The following CLIC1 variants were observed in gnomAD, a reference collection of about 807,000 sequenced individuals.
The protein encoded by CLIC1 is chloride intracellular channel protein 1.
Under a neutral mutation model 26.4 loss-of-function variants are expected in CLIC1, and 16 were observed. That is an observed-to-expected ratio of 0.61 (90% CI 0.41 to 0.92). CLIC1 has a LOEUF of 0.92. Among genes scored for constraint, CLIC1 ranks in the 40% least tolerant of loss-of-function variants. CLIC1 has a pLI of 0.00. For missense variants in CLIC1, 225 were observed against 289.7 expected, an observed-to-expected ratio of 0.78 and a Z score of 1.62; for synonymous variants, 98 against 120.8, an observed-to-expected ratio of 0.81 and a Z score of 1.24.
rs1460716291 is a variant in CLIC1 at position 31,734,038 on chromosome 6, T to G, written c.150-77A>C. 1 of 1,595,996 alleles carries G rather than the reference T, an allele frequency of 6.3e-7. No homozygotes were observed. Among genetic ancestry groups the G allele is most frequent in the Non-Finnish European group, 8.6e-7 (1 of 1,168,388 alleles). On this transcript the variant is annotated intron_variant, in intron 2 of 5. Coordinates refer to ENST00000375784, the Ensembl canonical transcript of CLIC1. This position sits in a 1 kb window ranked among gnomAD's most constrained non-coding sequence, Gnocchi z 5.3. ...GAAAGGGGGAATGGAGGACGTGGGA[T>G]AAGAAAGGGACTCCAGGGGGAGGGC...
chr6:31,734,173 T>C lies in CLIC1; in HGVS notation c.130A>G (p.Thr44Ala), dbSNP rs780642956. ...GCCTACCTTTTGGTGTCAACGGTGGTAACATTGAAGGTGACTCCCTTGAGC... is the reference window on the plus strand; with the variant it reads ...GCCTACCTTTTGGTGTCAACGGTGGCAACATTGAAGGTGACTCCCTTGAGC... The change falls in exon 2 of 6, where the codon ACC (threonine) becomes GCC (alanine). Residue 44 changes from threonine to alanine, a missense_variant. Physicochemically the swap from Thr to Ala is moderately conservative, Grantham distance 58. Coordinates refer to ENST00000375784, the Ensembl canonical transcript of CLIC1. This position sits in a 1 kb window ranked among gnomAD's most constrained non-coding sequence, Gnocchi z 5.3. 6.2e-7 allele frequency: 1 copy of C among 1,613,542 alleles called. No individual in the cohort carries two copies. The highest frequency in any genetic ancestry group is 8.5e-7 in the Non-Finnish European group (1 of 1,179,468).
At chr6:31,731,840 A>G (rs1277216454) in intron 5 of CLIC1, among the ~76,000 whole-genome samples, 1 of 152,220 alleles carries the variant, frequency 6.6e-6, no homozygotes, top group Non-Finnish European at 1.5e-5. Context: ...ATCTTCCACA[A>G]GAGGAAGTGA....
Position 31,730,811 on chromosome 6 carries a change from T to G in CLIC1, c.*31A>C, listed in dbSNP as rs778209771. The G allele has an allele frequency of 6.2e-7, 1 of 1,610,722 alleles. No homozygotes were observed. The highest frequency in any genetic ancestry group is 8.5e-7 in the Non-Finnish European group (1 of 1,178,574). On this transcript the variant is annotated 3_prime_UTR_variant, in exon 6 of 6. Coordinates refer to ENST00000375784, the Ensembl canonical transcript of CLIC1. This position sits in a 1 kb window ranked among gnomAD's most constrained non-coding sequence, Gnocchi z 5.1. ...ACCACCAGGGCCTTTGTGGAGAAAA[T>G]GGAGGGGGTTGAGGGAGTCCCAGGA...
intron 1 of CLIC1, among the ~76,000 whole-genome samples, chr6:31,735,848 C>CACACCT (rs1411825167): frequency 6.6e-6 from 1 of 151,012 alleles, no homozygotes; most frequent in Non-Finnish European, 1.5e-5. Flanking sequence ...CACACACACA[C>CACACCT]ACCTCTCCTA....
chr6:31,734,959 T>C lies in CLIC1; in HGVS notation c.40-696A>G, dbSNP rs932117534. Among the ~76,000 whole-genome samples the C allele has an allele frequency of 2.6e-5, 4 of 151,932 alleles. No individual in the cohort carries two copies. The highest frequency in any genetic ancestry group is 5.9e-5 in the Non-Finnish European group (4 of 67,980). On this transcript the variant is annotated intron_variant, in intron 1 of 5. Transcript: ENST00000375784. This position sits in a 1 kb window ranked among gnomAD's most constrained non-coding sequence, Gnocchi z 5.3. Reference sequence around the variant, plus strand: ...TGCCAGGGTCTCCCAGCACAAGTCCTCTGACTGCAATAACCATCCTCTCAC... The same window carrying C: ...TGCCAGGGTCTCCCAGCACAAGTCCCCTGACTGCAATAACCATCCTCTCAC...
chr6:31,736,259 T>C lies in CLIC1; in HGVS notation c.39+3A>G. On this transcript the variant is annotated splice_donor_region_variant and intron_variant, in intron 1 of 5. Coordinates refer to ENST00000375784, the Ensembl canonical transcript of CLIC1. This position sits in a 1 kb window ranked among gnomAD's most constrained non-coding sequence, Gnocchi z 5.0. Reference sequence around the variant, plus strand: ...GGGTGGCTGAGGAGAGAAGTGTTCTTACCTTCACGAACAATTCGACCTGCG... The same window carrying C: ...GGGTGGCTGAGGAGAGAAGTGTTCTCACCTTCACGAACAATTCGACCTGCG... The C allele has an allele frequency of 1.2e-6, 2 of 1,612,856 alleles. No homozygotes were observed. The highest frequency in any genetic ancestry group is 1.7e-6 in the Non-Finnish European group (2 of 1,179,940).
rs1164062124 is a variant in CLIC1, at chr6:31,732,890, G to A, written c.383-492C>T. Among the ~76,000 whole-genome samples, 1 of 151,924 alleles carries A rather than the reference G, an allele frequency of 6.6e-6. No individual in the cohort carries two copies. Among genetic ancestry groups the A allele is most frequent in the Non-Finnish European group, 1.5e-5 (1 of 67,960 alleles). On this transcript the variant is annotated intron_variant, in intron 4 of 5. Coordinates refer to ENST00000375784, the Ensembl canonical transcript of CLIC1. This position sits in a 1 kb window ranked among gnomAD's most constrained non-coding sequence, Gnocchi z 5.0. ...TAATCCCAGCACTTTGGGAGGCCGA[G>A]GCAGGTGGATCACCTGAGGTCGGGA...
chr6:31,731,170 C>T (rs1384366618), intron 5 of CLIC1, among the ~76,000 whole-genome samples, 167 bp from the exon 6 acceptor site: 1 of 152,184 alleles, frequency 6.6e-6, no homozygotes, highest in Non-Finnish European at 1.5e-5. Context: ...TAATAACCAG[C>T]CATTTTTCCT....
chr6:31,736,577 C>G, upstream of CLIC1: 1 of 1,333,206 alleles, frequency 7.5e-7, no homozygotes, highest in African/African-American at 1.5e-5. This position sits in a 1 kb window ranked among gnomAD's most constrained non-coding sequence, Gnocchi z 5.0. Context: ...GGGGAGGGGA[C>G]TGGAGGGGGG....
chr6:31,735,880 C>A (rs1808300812), intron 1 of CLIC1, among the ~76,000 whole-genome samples: 1 of 149,870 alleles, frequency 6.7e-6, no homozygotes. Flanking sequence ...ACCCTCAGAT[C>A]TTGTAGGGAC....
Position 31,734,930 on chromosome 6 carries a change from C to T in CLIC1, c.40-667G>A, listed in dbSNP as rs990082399. ...CTGGGCAGCTAAGGCTACCCCTAAC[C>T]TGCTGCCAGGGTCTCCCAGCACAAG... On this transcript the variant is annotated intron_variant, in intron 1 of 5. Transcript: ENST00000375784. The surrounding 1 kb of genome is among the most constrained non-coding windows in gnomAD (Gnocchi z 5.3). Among the ~76,000 whole-genome samples, 1 of 152,012 alleles carries T rather than the reference C, an allele frequency of 6.6e-6. No individual in the cohort carries two copies. Among genetic ancestry groups the T allele is most frequent in the African/African-American group, 2.4e-5 (1 of 41,372 alleles).
chr6:31,736,956 G>C (rs768845111), upstream of CLIC1: 169 of 985,586 alleles, frequency 1.7e-4, no homozygotes, highest in Non-Finnish European at 2.0e-4. This position sits in a 1 kb window ranked among gnomAD's most constrained non-coding sequence, Gnocchi z 5.0. Flanking sequence ...ACTGCAGATA[G>C]GAACCGTTAG....
At position 31,733,500 on chromosome 6, in the gene CLIC1, T is replaced by C. The variant is rs992318618; in HGVS notation, c.382+66A>G. 39 of 1,153,464 alleles carry C rather than the reference T, an allele frequency of 3.4e-5. No homozygotes were observed. The East Asian group carries it at 7.3e-4, about 22-fold the overall frequency. The allele number at this position is 1,153,464 out of a possible 1,614,324, so 71.5% of individuals were successfully genotyped here. ...TATCTGAACGTCCAGGTGCCCCTAA[T>C]GTCTCCTACCCGCTGGGTCCTCTCT... On this transcript the variant is annotated intron_variant, in intron 4 of 5. Transcript: ENST00000375784. The surrounding 1 kb of genome is among the most constrained non-coding windows in gnomAD (Gnocchi z 5.4).
intron 1 of CLIC1, among the ~76,000 whole-genome samples, chr6:31,735,053 TGA>T (rs1322450682): frequency 6.6e-6 from 1 of 151,312 alleles, no homozygotes; most frequent in Non-Finnish European, 1.5e-5. Context: ...GAGGCGAATG[TGA>T]GAGTGAGGTG....
chr6:31,732,110 C>T lies in CLIC1; in HGVS notation c.564+107G>A. On this transcript the variant is annotated intron_variant, in intron 5 of 5. Coordinates refer to ENST00000375784, the Ensembl canonical transcript of CLIC1. The surrounding 1 kb of genome is among the most constrained non-coding windows in gnomAD (Gnocchi z 5.0). Reference sequence around the variant, plus strand: ...ATTGGTAGCAATTTATGAAAACCACCCTAAGAAAGAAATCGTCTTTAGAGT... The same window carrying T: ...ATTGGTAGCAATTTATGAAAACCACTCTAAGAAAGAAATCGTCTTTAGAGT... The T allele has an allele frequency of 1.0e-6, 1 of 970,906 alleles. No individual in the cohort carries two copies. Among genetic ancestry groups the T allele is most frequent in the Admixed American group, 3.1e-5 (1 of 31,764 alleles). 60.1% of individuals were successfully genotyped at this position (970,906 alleles called of 1,614,324 possible).
At position 31,733,524 on chromosome 6, in the gene CLIC1, C is replaced by G; in HGVS notation, c.382+42G>C. On this transcript the variant is annotated intron_variant, in intron 4 of 5. Coordinates refer to ENST00000375784, the Ensembl canonical transcript of CLIC1. This position sits in a 1 kb window ranked among gnomAD's most constrained non-coding sequence, Gnocchi z 5.4. ...ATGTCTCCTACCCGCTGGGTCCTCT[C>G]TATTCCTCCCAGGACCCAGGCCTCT... 6.8e-7 allele frequency: 1 copy of G among 1,471,278 alleles called. No individual in the cohort carries two copies. The highest frequency in any genetic ancestry group is 9.5e-7 in the Non-Finnish European group (1 of 1,052,624). 91.1% of individuals were successfully genotyped at this position (1,471,278 alleles called of 1,614,324 possible). A position where few individuals can be genotyped will look rare whatever the true frequency, so the allele number is the denominator to read the frequency against.
chr6:31,736,998 G>A (rs1808371743), upstream of CLIC1: 7 of 966,312 alleles, frequency 7.2e-6, no homozygotes, highest in Non-Finnish European at 8.6e-6. The surrounding 1 kb of genome is among the most constrained non-coding windows in gnomAD (Gnocchi z 5.0). Flanking sequence ...AAGGGGTGAC[G>A]CCAGCACTCC....
At chr6:31,731,143 A>C in intron 5 of CLIC1, 140 bp from the exon 6 acceptor site, 1 of 623,946 alleles carries the variant, frequency 1.6e-6, no homozygotes, top group African/African-American at 1.9e-5. Flanking sequence ...CTTCTCACTT[A>C]CTGAAATCCT....
chr6:31,735,130 T>C (rs1185986521), intron 1 of CLIC1, among the ~76,000 whole-genome samples: 2 of 149,268 alleles, frequency 1.3e-5, no homozygotes, highest in Non-Finnish European at 3.0e-5. Flanking sequence ...GGAGAGGGAA[T>C]GGCTGCCCGA....
Sources: gnomAD v4.1 joint callset for allele counts (sites outside exome capture counted in the v4.1 genomes callset) on GRCh38, gnomAD v4.1.1 for gene constraint, Gnocchi (gnomAD v3.1) non-coding constraint, MANE v1.5 for transcripts, NCBI Gene and HGNC (gene_info 2026-07-23, HGNC 2026-07-21) for gene names.